CCDC171: variants seen among roughly 807,000 people sequenced by gnomAD.
The protein encoded by CCDC171 is coiled-coil domain-containing protein 171.
CCDC171 carries 177 observed loss-of-function variants against 168.2 expected under a neutral mutation model. The ratio of observed to expected loss-of-function variants is 1.05; its 90% confidence interval spans 0.93 to 1.19. The LOEUF (loss-of-function observed/expected upper bound fraction) is 1.19, where lower values mean the gene tolerates loss of function less well. CCDC171 is among the 50% of genes most tolerant of loss of function. The pLI is 0.00. For synonymous variants in CCDC171, 687 were observed against 540.8 expected (o/e 1.27, Z -3.75); for missense variants, 1,991 against 1,539.0 (o/e 1.29, Z -4.91).
chr9:15,586,845 T>C (rs1489267384), intron 4 of CCDC171, among the ~76,000 whole-genome samples: 1 of 152,164 alleles, frequency 6.6e-6, no homozygotes, highest in Non-Finnish European at 1.5e-5. Context: ...TATCACTTTG[T>C]TGCCCAGGCT....
At chr9:15,662,108 C>T (rs1486206120) in intron 8 of CCDC171, among the ~76,000 whole-genome samples, 1 of 152,138 alleles carries the variant, frequency 6.6e-6, no homozygotes, top group East Asian at 1.9e-4. Context: ...GAAACCCCGT[C>T]TCTGCTAAAA....
intron 21 of CCDC171, among the ~76,000 whole-genome samples, chr9:15,814,368 C>T (rs541115486): frequency 7.9e-5 from 12 of 151,996 alleles, no homozygotes; most frequent in African/African-American, 2.4e-4. Flanking sequence ...ATAGATAATA[C>T]GAGGATGGGG....
chr9:16,060,625 G>C (rs979659777), intron 1 of CCDC171: 4 of 152,128 alleles, frequency 2.6e-5, no homozygotes, highest in African/African-American at 4.8e-5. Flanking sequence ...CCACCTTCTT[G>C]CTTTGTGCTG....
In CCDC171 at chr9:15,678,742, C is replaced by T. The variant is rs1295239654; in HGVS notation, c.1077-16C>T. The T allele has an allele frequency of 1.7e-5, 26 of 1,573,622 alleles. No individual in the cohort carries two copies. In the Admixed American group the frequency reaches 5.3e-4, roughly 32 times the overall value. ...AGCATGTTTGAAAAACCTGCTCTGACACTTTAACTTTTCAGATTAGAAAAA... is the reference window on the plus strand; with the variant it reads ...AGCATGTTTGAAAAACCTGCTCTGATACTTTAACTTTTCAGATTAGAAAAA... On this transcript the variant is annotated splice_polypyrimidine_tract_variant and intron_variant, in intron 9 of 25. Transcript: ENST00000380701.
intron 5 of CCDC171, among the ~76,000 whole-genome samples, chr9:15,593,801 A>G (rs949420244): frequency 3.9e-5 from 6 of 152,008 alleles, no homozygotes; most frequent in African/African-American, 1.4e-4. Flanking sequence ...CATATTATAT[A>G]TAGGTAATAG....
chr9:15,904,589 C>T (rs1285705797), intron 24 of CCDC171, among the ~76,000 whole-genome samples: 6 of 152,138 alleles, frequency 3.9e-5, no homozygotes, highest in East Asian at 1.9e-4. Context: ...TAAAGACCAT[C>T]GAGGCTAGGA....
intron 7 of CCDC171, among the ~76,000 whole-genome samples, chr9:15,655,409 A>T (rs1215495301): frequency 1.3e-5 from 2 of 152,108 alleles, no homozygotes; most frequent in African/African-American, 2.4e-5. Flanking sequence ...TCCCGAACAG[A>T]TTCTTGGTCA....
At chr9:15,860,179 C>T (rs749570590) in intron 23 of CCDC171, among the ~76,000 whole-genome samples, 13 of 151,062 alleles carry the variant, frequency 8.6e-5, no homozygotes, top group Admixed American at 3.3e-4. Context: ...CTTAGTCTTA[C>T]TAAAGGTTTG....
rs1670879233 is a variant in CCDC171 at position 15,901,044 on chromosome 9, T to C, written c.3601-19226T>C. ...TATACATTCATTCCTTAATAACTTA[T>C]ATATGTGTTGTTATTAAATATGCTC... is the stretch of plus-strand genomic sequence containing the variant. On this transcript the variant is annotated intron_variant, in intron 24 of 25. Transcript: ENST00000380701. 2.0e-5 allele frequency among the ~76,000 whole-genome samples: 3 copies of C among 152,170 alleles called. No individual in the cohort carries two copies. The South Asian group carries it at 6.2e-4, about 32-fold the overall frequency.
At chr9:15,792,873 C>G (rs2058339995) in intron 21 of CCDC171, among the ~76,000 whole-genome samples, 1 of 152,048 alleles carries the variant, frequency 6.6e-6, no homozygotes, top group Admixed American at 6.6e-5. Flanking sequence ...AAAAACATGC[C>G]AAATTGTAAA....
At chr9:15,777,545 G>A (rs2057393252) in intron 18 of CCDC171, 55 bp from the exon 19 acceptor site, 1 of 1,032,756 alleles carries the variant, frequency 9.7e-7, no homozygotes. Flanking sequence ...GCAGTGTTGT[G>A]AAATGCACAA....
At chr9:15,857,665 C>T (rs1423545878) in intron 23 of CCDC171, among the ~76,000 whole-genome samples, 1 of 151,824 alleles carries the variant, frequency 6.6e-6, no homozygotes, top group African/African-American at 2.4e-5. Context: ...TCAAGTTATC[C>T]ACCCCACCTC....
At chr9:16,033,858 T>C (rs760958949) in intron 6 of CCDC171, among the ~76,000 whole-genome samples, 1 of 152,132 alleles carries the variant, frequency 6.6e-6, no homozygotes. Flanking sequence ...CATCCTATGC[T>C]AAGATCGGGT....
chr9:15,628,682 C>T lies in CCDC171; in HGVS notation c.822+5269C>T, dbSNP rs367733209. Among the ~76,000 whole-genome samples the T allele has an allele frequency of 2.1e-4, 32 of 152,328 alleles. No homozygotes were observed. The East Asian group carries it at 4.4e-3, about 21-fold the overall frequency. ...GACAGCTTTGAAGAGAGCAGCGGTT[C>T]TCCCAGCACGCAGCTGGAGATCTGA... On this transcript the variant is annotated intron_variant, in intron 7 of 25. Coordinates refer to ENST00000380701, the MANE Select transcript of CCDC171 (RefSeq NM_173550.4).
intron 10 of CCDC171, among the ~76,000 whole-genome samples, chr9:15,694,571 A>C (rs992739286): frequency 5.3e-5 from 8 of 152,212 alleles, no homozygotes; most frequent in Non-Finnish European, 7.3e-5. Flanking sequence ...AAATCCACCC[A>C]GTTCATCTAA....
chr9:16,081,102 G>C, the CCDC171 span, among the ~76,000 whole-genome samples: 3 of 152,158 alleles, frequency 2.0e-5, no homozygotes, highest in Non-Finnish European at 4.4e-5. Context: ...CCTACCCAAA[G>C]TTCAGACACG....
intron 3 of CCDC171, among the ~76,000 whole-genome samples, chr9:15,999,274 GAAA>G (rs1248900192): frequency 6.8e-6 from 1 of 147,248 alleles, no homozygotes; most frequent in African/African-American, 2.5e-5. Flanking sequence ...GAGAAAGAAA[GAAA>G]GAAAGGAGGG....
intron 25 of CCDC171, among the ~76,000 whole-genome samples, chr9:15,946,806 G>A (rs1828453038): frequency 6.6e-6 from 1 of 152,048 alleles, no homozygotes; most frequent in African/African-American, 2.4e-5. Context: ...TTTTGAATTA[G>A]ATGCCTTTTG....
intron 3 of CCDC171, among the ~76,000 whole-genome samples, chr9:16,007,333 C>T (rs10962250): frequency 6.6e-6 from 1 of 152,152 alleles, no homozygotes; most frequent in East Asian, 1.9e-4. Flanking sequence ...TGGATATTAG[C>T]CCTTTGTCAG....
Sources: allele counts gnomAD v4.1 joint callset (sites outside exome capture counted in the v4.1 genomes callset), GRCh38; gene constraint gnomAD v4.1.1; transcripts MANE v1.5; gene names NCBI Gene and HGNC (gene_info 2026-07-23, HGNC 2026-07-21).